RESF1: variants seen among roughly 807,000 people sequenced by gnomAD.
The protein encoded by RESF1 is retroelement silencing factor 1.
RESF1 carries 65 observed loss-of-function variants against 134.7 expected under a neutral mutation model. The ratio of observed to expected loss-of-function variants is 0.48; its 90% CI spans 0.40 to 0.59. The LOEUF (loss-of-function observed/expected upper bound fraction) is 0.59, where lower values mean the gene tolerates loss of function less well. Ranked by LOEUF, RESF1 falls within the 20% of genes least tolerant of loss-of-function variation. The probability of loss-of-function intolerance (pLI) is 0.00; values close to 1 mark genes in which losing one functional copy is unlikely to be tolerated. For synonymous variants in RESF1, 762 were observed against 702.2 expected, an observed-to-expected ratio of 1.09 and a Z score of -1.35; for missense variants, 2,274 against 2,002.7, an observed-to-expected ratio of 1.14 and a Z score of -2.59.
rs542238492 is a variant in RESF1, at chr12:31,979,450, A to T, written c.-78-1428A>T. On this transcript the variant is annotated intron_variant, in intron 3 of 5. Coordinates refer to ENST00000312561, the MANE Select transcript of RESF1 (RefSeq NM_018169.4). ...CAACTGGCTATAAAGCAAACAAGGTATGCTTTCTCTGAGGTCACTACCTTC... is the reference window on the plus strand; with the variant it reads ...CAACTGGCTATAAAGCAAACAAGGTTTGCTTTCTCTGAGGTCACTACCTTC... 3.3e-5 allele frequency among the ~76,000 whole-genome samples: 5 copies of T among 152,300 alleles called. No individual in the cohort carries two copies. The East Asian group carries it at 7.7e-4, about 24-fold the overall frequency.
chr12:31,964,303 G>T (rs377310753), intron 2 of RESF1, among the ~76,000 whole-genome samples: 1 of 150,794 alleles, frequency 6.6e-6, no homozygotes, highest in Non-Finnish European at 1.5e-5. Flanking sequence ...CCCACGCTTT[G>T]CCTGCTTATA....
intron 4 of RESF1, among the ~76,000 whole-genome samples, chr12:31,986,278 G>T (rs758022655): frequency 5.3e-5 from 8 of 152,190 alleles, no homozygotes; most frequent in Admixed American, 3.9e-4. Flanking sequence ...GGGAATGTCA[G>T]AAAAGTGTCA....
intron 1 of RESF1, among the ~76,000 whole-genome samples, 166 bp from the exon 2 acceptor site, chr12:31,960,611 G>T (rs1592246978): frequency 6.6e-6 from 1 of 152,318 alleles, no homozygotes; most frequent in South Asian, 2.1e-4. Flanking sequence ...TTTCAGGCCA[G>T]ACCTAGTTTC....
In RESF1 at chr12:31,992,832, C is replaced by G; in HGVS notation, c.*297C>G. The G allele has an allele frequency of 3.0e-6, 1 of 333,114 alleles. No individual in the cohort carries two copies. 20.6% of individuals were successfully genotyped at this position (333,114 alleles called of 1,614,324 possible). A position where few individuals can be genotyped will look rare whatever the true frequency, so the allele number is the denominator to read the frequency against. ...ATACAAATCAATTTGAAATTCTACC[C>G]ATCTTGAGGGAGGACCGTTCCTCAG... is the stretch of plus-strand genomic sequence containing the variant. On this transcript the variant is annotated 3_prime_UTR_variant, in exon 6 of 6. Coordinates refer to ENST00000312561, the MANE Select transcript of RESF1 (RefSeq NM_018169.4).
intron 3 of RESF1, among the ~76,000 whole-genome samples, chr12:31,972,874 T>C (rs1014528789): frequency 3.9e-5 from 6 of 152,214 alleles, no homozygotes; most frequent in African/African-American, 1.4e-4. Context: ...TTACCTCTAA[T>C]GTTTTACTTT....
rs780570920 is a variant in RESF1, at chr12:31,985,216, A to G, written c.4261A>G (p.Lys1421Glu). The stretch of plus-strand genomic sequence containing the variant: ...AAACCCAAACGAAAGAGCCATTGTT[A>G]AAGAAAAGATGGTATCAAATACTAA... ...LSNPNERAIV[K>E]EKMVSNTKSV... The change falls in exon 4 of 6, where the codon AAA becomes GAA. Residue 1421 changes from lysine to glutamate, a missense_variant. Physicochemically the swap from Lys to Glu is moderately conservative, Grantham distance 56. Transcript: ENST00000312561. 3 of 1,585,462 alleles carry G rather than the reference A, an allele frequency of 1.9e-6. No individual in the cohort carries two copies. The East Asian group carries it at 6.7e-5, about 35-fold the overall frequency.
intron 5 of RESF1, among the ~76,000 whole-genome samples, chr12:31,989,156 GGAGGCC>G (rs1940040151): frequency 6.6e-6 from 1 of 151,520 alleles, no homozygotes; most frequent in Non-Finnish European, 1.5e-5. Context: ...CAGCACTTTG[GGAGGCC>G]GAGGCAGGCG....
In RESF1 at chr12:31,981,786, T is replaced by A. The variant is rs79406084; in HGVS notation, c.831T>A (p.Pro277=). 0.015 allele frequency: 23,261 copies of A among 1,602,322 alleles called. 204 individuals carry two copies. The highest frequency in any genetic ancestry group is 0.017 in the Non-Finnish European group (19,619 of 1,169,770). The part of the protein sequence containing the change: ...QQYATQTDKR[P]PPPPYNCRYG... ...ATGCCACGCAAACTGACAAAAGACC[T>A]CCTCCTCCTCCTTACAACTGTAGAT... Residue 277 remains proline, a synonymous_variant, in exon 4 of 6, where the codon CCT becomes CCA. Coordinates refer to ENST00000312561, the MANE Select transcript of RESF1 (RefSeq NM_018169.4).
Position 31,983,690 on chromosome 12 carries a change from T to TA in RESF1, c.2736dup (p.Phe913IlefsTer10). 1 of 1,613,940 alleles carries TA rather than the reference T, an allele frequency of 6.2e-7. No homozygotes were observed. The highest frequency in any genetic ancestry group is 8.5e-7 in the Non-Finnish European group (1 of 1,180,010). On this transcript the variant is annotated frameshift_variant, in exon 4 of 6. Coordinates refer to ENST00000312561, the MANE Select transcript of RESF1 (RefSeq NM_018169.4). LOFTEE classifies it high-confidence loss of function. ...TCTTACAATTCCCAAATAGCAAAGA[T>TA]ATTCAGCTCTCTTCCCTTGAAAATG...
At chr12:31,973,674 GA>G (rs1183114675) in intron 3 of RESF1, among the ~76,000 whole-genome samples, 1 of 116,392 alleles carries the variant, frequency 8.6e-6, no homozygotes, top group Non-Finnish European at 1.8e-5. Context: ...GAGAGGGATG[GA>G]GGAAAAAAAA....
intron 2 of RESF1, among the ~76,000 whole-genome samples, chr12:31,969,910 T>G (rs1244623446): frequency 2.0e-5 from 3 of 152,224 alleles, no homozygotes; most frequent in Non-Finnish European, 4.4e-5. Context: ...TTTCTTATAC[T>G]TCTTTCTATT....
chr12:31,987,884 A>AC (rs1373696596), intron 5 of RESF1, among the ~76,000 whole-genome samples: 4 of 152,092 alleles, frequency 2.6e-5, no homozygotes, highest in African/African-American at 9.6e-5. Context: ...GCAGTTGCAT[A>AC]CCACCACGCC....
At chr12:31,979,172 G>A (rs1289467005) in intron 3 of RESF1, among the ~76,000 whole-genome samples, 4 of 152,026 alleles carry the variant, frequency 2.6e-5, no homozygotes, top group Non-Finnish European at 4.4e-5. Context: ...CGCCCACCTT[G>A]GCCTCCCAAA....
intron 3 of RESF1, among the ~76,000 whole-genome samples, chr12:31,975,199 G>A (rs1055721761): frequency 6.6e-5 from 10 of 151,972 alleles, no homozygotes; most frequent in Non-Finnish European, 1.2e-4. Context: ...GCTTGAACCC[G>A]GGAGGTGGAG....
intron 2 of RESF1, among the ~76,000 whole-genome samples, chr12:31,966,465 C>A (rs1939399145): frequency 6.6e-6 from 1 of 152,184 alleles, no homozygotes; most frequent in Admixed American, 6.5e-5. Flanking sequence ...GCTCTGAAGG[C>A]ACAACAGACT....
In RESF1 at chr12:31,981,479, G is replaced by T. The variant is rs138191568; in HGVS notation, c.524G>T (p.Arg175Leu). The T allele has an allele frequency of 1.1e-5, 17 of 1,613,806 alleles. No individual in the cohort carries two copies. Among genetic ancestry groups the T allele is most frequent in the Non-Finnish European group, 5.9e-6 (7 of 1,180,008 alleles). The stretch of plus-strand genomic sequence containing the variant: ...CAGATGATCCCTTCTAATTCTACAC[G>T]ACTTCCTGTAGCTTACCAAGGAAAT... ...QMQMIPSNST[R>L]LPVAYQGNQG... Residue 175 changes from arginine (R) to leucine (L), a missense_variant, in exon 4 of 6, where the codon CGA (arginine) becomes CTA (leucine). Transcript: ENST00000312561.
intron 3 of RESF1, among the ~76,000 whole-genome samples, chr12:31,976,291 C>T (rs528789016): frequency 1.1e-4 from 17 of 152,152 alleles, no homozygotes; most frequent in Middle Eastern, 3.2e-3. Context: ...CTTTTGACTC[C>T]GCCAAAACTT....
Position 31,982,537 on chromosome 12 carries a change from A to G in RESF1, c.1582A>G (p.Lys528Glu), listed in dbSNP as rs773193003. ...TCATGATGTGAAAGTTCTCACTTCA[A>G]AGACATCAGCTGTTGAGATGACCCA... ...SSHDVKVLTS[K>E]TSAVEMTQAV... The change falls in exon 4 of 6, where the codon AAG becomes GAG. Residue 528 changes from lysine (K) to glutamate (E), a missense_variant. Coordinates refer to ENST00000312561, the MANE Select transcript of RESF1 (RefSeq NM_018169.4). 3 of 1,613,720 alleles carry G rather than the reference A, an allele frequency of 1.9e-6. No individual in the cohort carries two copies. Among genetic ancestry groups the G allele is most frequent in the African/African-American group, 2.7e-5 (2 of 74,948 alleles).
intron 3 of RESF1, among the ~76,000 whole-genome samples, chr12:31,971,084 G>A (rs1445677858): frequency 2.0e-5 from 3 of 152,186 alleles, no homozygotes; most frequent in Non-Finnish European, 4.4e-5. Context: ...ATTATAAAAT[G>A]CATCTCTTTA....
Sources: gnomAD v4.1 joint callset for allele counts (sites outside exome capture counted in the v4.1 genomes callset) on GRCh38, gnomAD v4.1.1 for gene constraint, MANE v1.5 for transcripts, NCBI Gene and HGNC (gene_info 2026-07-23, HGNC 2026-07-21) for gene names.